HS6ST3: variants seen among roughly 807,000 people sequenced by gnomAD.
The protein encoded by HS6ST3 is heparan-sulfate 6-O-sulfotransferase 3.
Under a neutral mutation model 36.7 loss-of-function variants are expected in HS6ST3, and 12 were observed. The ratio of observed to expected loss-of-function variants is 0.33; its 90% confidence interval spans 0.21 to 0.53. The LOEUF is 0.53. HS6ST3 is among the 20% of genes least tolerant of loss of function. HS6ST3 has a pLI of 0.95. For missense variants in HS6ST3, 584 were observed against 640.9 expected, an observed-to-expected ratio of 0.91 and a Z score of 0.96; for synonymous variants, 240 against 257.5, an observed-to-expected ratio of 0.93 and a Z score of 0.65.
intron 1 of HS6ST3, among the ~76,000 whole-genome samples, chr13:96,534,653 G>A (rs910081075): frequency 2.0e-5 from 3 of 152,128 alleles, no homozygotes; most frequent in Admixed American, 1.3e-4. Context: ...AAAGCCACAG[G>A]TGCAGGAACA....
intron 1 of HS6ST3, among the ~76,000 whole-genome samples, chr13:96,260,529 A>C (rs1176199934): frequency 6.6e-6 from 1 of 151,804 alleles, no homozygotes; most frequent in Non-Finnish European, 1.5e-5. Flanking sequence ...TAGCCAGGAT[A>C]GTCTCGATTT....
Position 96,544,475 on chromosome 13 carries a change from A to G in HS6ST3, c.708-288015A>G, listed in dbSNP as rs144924680. Among the ~76,000 whole-genome samples the G allele has an allele frequency of 3.2e-3, 493 of 152,356 alleles. 6 individuals are homozygous for G. Among genetic ancestry groups the G allele is most frequent in the African/African-American group, 0.011 (456 of 41,584 alleles). ...GATGGCAGATGGATAGGAATTTCAAACTAGAACAGTCCAACAGTGGAACAA... is the reference window on the plus strand; with the variant it reads ...GATGGCAGATGGATAGGAATTTCAAGCTAGAACAGTCCAACAGTGGAACAA... On this transcript the variant is annotated intron_variant, in intron 1 of 1. Coordinates refer to ENST00000376705, the MANE Select transcript of HS6ST3 (RefSeq NM_153456.4).
intron 1 of HS6ST3, among the ~76,000 whole-genome samples, chr13:96,771,703 C>T (rs1281195355): frequency 6.6e-6 from 1 of 152,172 alleles, no homozygotes; most frequent in Non-Finnish European, 1.5e-5. Flanking sequence ...GCATTCCATT[C>T]TCTCCTAGGC....
intron 1 of HS6ST3, among the ~76,000 whole-genome samples, chr13:96,611,387 A>G (rs75718463): frequency 0.03 from 4,518 of 152,240 alleles, 228 homozygotes; most frequent in African/African-American, 0.1. Flanking sequence ...TTTATATCAA[A>G]TAATAATTTT....
intron 1 of HS6ST3, among the ~76,000 whole-genome samples, chr13:96,748,324 A>G (rs1253827276): frequency 6.6e-6 from 1 of 152,062 alleles, no homozygotes; most frequent in Non-Finnish European, 1.5e-5. Context: ...GGCTTAGGTC[A>G]GGCTTGTCTA....
At chr13:96,435,325 G>A (rs2055636207) in intron 1 of HS6ST3, among the ~76,000 whole-genome samples, 1 of 151,820 alleles carries the variant, frequency 6.6e-6, no homozygotes, top group Non-Finnish European at 1.5e-5. Context: ...CTTCCAAGGT[G>A]TACTCCTTTA....
chr13:96,725,098 G>A (rs929525649), intron 1 of HS6ST3, among the ~76,000 whole-genome samples: 1 of 152,174 alleles, frequency 6.6e-6, no homozygotes, highest in Non-Finnish European at 1.5e-5. Context: ...GTATCTGATA[G>A]TGCTTTTAAT....
At chr13:96,093,588 T>A (rs2053775723) in intron 1 of HS6ST3, among the ~76,000 whole-genome samples, 1 of 152,280 alleles carries the variant, frequency 6.6e-6, no homozygotes, top group East Asian at 1.9e-4. Flanking sequence ...AAAAAAAATT[T>A]TTTTTTGGTA....
rs527524163 is a variant in HS6ST3, at chr13:96,763,398, C to T, written c.708-69092C>T. ...CCCAGCTACTCAGGAGGCTGAAGCA[C>T]GAGAATCACTTGAACCTGGGAGGCA... On this transcript the variant is annotated intron_variant, in intron 1 of 1. Transcript: ENST00000376705. Among the ~76,000 whole-genome samples, 148 of 150,642 alleles carry T rather than the reference C, an allele frequency of 9.8e-4. 2 individuals are homozygous for T. The South Asian group carries it at 0.012, about 12-fold the overall frequency.
At chr13:96,485,917 G>T (rs1019344615) in intron 1 of HS6ST3, among the ~76,000 whole-genome samples, 1 of 152,018 alleles carries the variant, frequency 6.6e-6, no homozygotes, top group Admixed American at 6.6e-5. Context: ...ACAACGTGCA[G>T]GTTAGTTACA....
At chr13:96,474,326 C>T (rs910518931) in intron 1 of HS6ST3, among the ~76,000 whole-genome samples, 8 of 152,012 alleles carry the variant, frequency 5.3e-5, no homozygotes, top group African/African-American at 1.5e-4. Context: ...GGAAAGGTGA[C>T]GATGGTGTAT....
intron 1 of HS6ST3, among the ~76,000 whole-genome samples, chr13:96,566,782 G>C (rs2056282833): frequency 6.6e-6 from 1 of 152,180 alleles, no homozygotes; most frequent in Non-Finnish European, 1.5e-5. Context: ...GGGAAGGAAA[G>C]TGTTGTGACT....
chr13:96,708,816 C>T lies in HS6ST3; in HGVS notation c.708-123674C>T, dbSNP rs964026702. 5.9e-5 allele frequency among the ~76,000 whole-genome samples: 9 copies of T among 152,076 alleles called. No individual in the cohort carries two copies. The South Asian group carries it at 1.2e-3, about 21-fold the overall frequency. ...AATGAAGGACAAAGGAATGGAAAGG[C>T]GATATTATAACATAGATGCTCTTCA... On this transcript the variant is annotated intron_variant, in intron 1 of 1. Coordinates refer to ENST00000376705, the MANE Select transcript of HS6ST3 (RefSeq NM_153456.4).
chr13:96,265,509 A>C (rs1158959282), intron 1 of HS6ST3, among the ~76,000 whole-genome samples: 1 of 152,170 alleles, frequency 6.6e-6, no homozygotes, highest in African/African-American at 2.4e-5. Context: ...TGATTCATTT[A>C]GCATCCCTTG....
intron 1 of HS6ST3, among the ~76,000 whole-genome samples, chr13:96,794,119 A>G (rs1290178998): frequency 6.6e-6 from 1 of 152,052 alleles, no homozygotes; most frequent in Non-Finnish European, 1.5e-5. Context: ...CTGATTTTCC[A>G]TTTGTGAGAA....
At chr13:96,577,858 T>C (rs573060205) in intron 1 of HS6ST3, among the ~76,000 whole-genome samples, 31 of 152,306 alleles carry the variant, frequency 2.0e-4, no homozygotes, top group African/African-American at 7.5e-4. Flanking sequence ...CTGGAGAGGA[T>C]GTGGAGAAAT....
intron 1 of HS6ST3, among the ~76,000 whole-genome samples, chr13:96,202,956 T>C (rs940872936): frequency 2.0e-5 from 3 of 152,222 alleles, no homozygotes; most frequent in African/African-American, 7.2e-5. Flanking sequence ...GACTCATCAA[T>C]GATAAAGGCC....
chr13:96,570,997 A>G (rs1337920339), intron 1 of HS6ST3, among the ~76,000 whole-genome samples: 1 of 152,186 alleles, frequency 6.6e-6, no homozygotes, highest in Non-Finnish European at 1.5e-5. Flanking sequence ...AGAAAAGATT[A>G]TTCATAGTGG....
intron 1 of HS6ST3, among the ~76,000 whole-genome samples, chr13:96,730,718 C>T (rs1876129582): frequency 6.6e-6 from 1 of 151,390 alleles, no homozygotes; most frequent in Admixed American, 6.6e-5. Context: ...CAGACACAGG[C>T]CACCAAACTT....
Sources: gnomAD v4.1 joint callset for allele counts (sites outside exome capture counted in the v4.1 genomes callset) on GRCh38, gnomAD v4.1.1 for gene constraint, MANE v1.5 for transcripts, NCBI Gene and HGNC (gene_info 2026-07-23, HGNC 2026-07-21) for gene names.